The following USH2A variants were observed in gnomAD, a reference collection of about 807,000 sequenced individuals.
USH2A encodes the protein Usher syndrome 2A (autosomal recessive, mild).
In USH2A, 443 loss-of-function variants were observed where a neutral mutation model predicts 538.9. The observed-to-expected ratio is 0.82, with a 90% CI of 0.76 to 0.89. USH2A has a LOEUF of 0.89. USH2A is among the 40% of genes least tolerant of loss of function. The pLI is 0.00. For missense variants in USH2A, 6,633 were observed against 6,324.8 expected, an observed-to-expected ratio of 1.05 and a Z score of -1.65; for synonymous variants, 2,413 against 2,273.5, an observed-to-expected ratio of 1.06 and a Z score of -1.75.
chr1:216,324,319 G>A lies in USH2A; in HGVS notation c.1177C>T (p.Gln393Ter). The change falls in exon 7 of 72, where the codon CAA (glutamine) becomes TAA (stop). Residue 393 changes from glutamine to a stop codon, truncating the protein, a stop_gained. Coordinates refer to ENST00000307340, the MANE Select transcript of USH2A (RefSeq NM_206933.4). LOFTEE classifies it high-confidence loss of function. ...CTTTGAATCCTTATTTCCGTTGGTT[G>A]TGGACTAAAGAACTGAATGATAATA... ...FYIIIQFFSP[Q>*]PTEIRIQRKK... is the part of the protein sequence containing the mutation. 1 of 1,612,494 alleles carries A rather than the reference G, an allele frequency of 6.2e-7. No homozygotes were observed. Among genetic ancestry groups the A allele is most frequent in the South Asian group, 1.1e-5 (1 of 90,960 alleles).
intron 3 of USH2A, among the ~76,000 whole-genome samples, chr1:216,399,918 C>T (rs2039277925): frequency 7.0e-6 from 1 of 143,420 alleles, no homozygotes; most frequent in African/African-American, 2.5e-5. Context: ...CTGTGCACAC[C>T]TCAATGTAAG....
intron 9 of USH2A, among the ~76,000 whole-genome samples, chr1:216,312,087 A>G (rs1008625384): frequency 1.3e-5 from 2 of 152,130 alleles, no homozygotes; most frequent in East Asian, 3.9e-4. Flanking sequence ...TTGCAAGGCA[A>G]GAAAAGTCTA....
At chr1:216,034,801 G>C (rs556108563) in intron 32 of USH2A, among the ~76,000 whole-genome samples, 11 of 152,240 alleles carry the variant, frequency 7.2e-5, no homozygotes, top group Admixed American at 5.9e-4. Flanking sequence ...GAGACAATGG[G>C]CCTACTGATA....
At chr1:215,986,797 G>C (rs1014073346) in intron 35 of USH2A, among the ~76,000 whole-genome samples, 1 of 152,108 alleles carries the variant, frequency 6.6e-6, no homozygotes, top group Non-Finnish European at 1.5e-5. Context: ...TACAATTTTG[G>C]TATTGTCCCT....
intron 37 of USH2A, among the ~76,000 whole-genome samples, chr1:215,941,148 G>C (rs572227791): frequency 6.6e-6 from 1 of 151,788 alleles, no homozygotes; most frequent in Non-Finnish European, 1.5e-5. Flanking sequence ...AATGCATAAA[G>C]GATAGACAAA....
intron 21 of USH2A, among the ~76,000 whole-genome samples, chr1:216,154,878 G>A (rs140997807): frequency 3.3e-4 from 50 of 149,700 alleles, no homozygotes; most frequent in Admixed American, 1.2e-3. Flanking sequence ...GAATGTAGGC[G>A]CAATGCGTAT....
At chr1:215,955,440 T>C (rs1211062698) in intron 37 of USH2A, among the ~76,000 whole-genome samples, 1 of 152,198 alleles carries the variant, frequency 6.6e-6, no homozygotes, top group East Asian at 1.9e-4. Flanking sequence ...TATCATTTAG[T>C]TTCTGTCTTG....
intron 32 of USH2A, among the ~76,000 whole-genome samples, chr1:216,021,383 G>T (rs1195825830): frequency 6.6e-6 from 1 of 152,032 alleles, no homozygotes; most frequent in Admixed American, 6.6e-5. Flanking sequence ...TTCCCCTTTC[G>T]CTTGGTTCTC....
At chr1:216,418,090 A>G (rs1201652032) in intron 3 of USH2A, among the ~76,000 whole-genome samples, 1 of 152,164 alleles carries the variant, frequency 6.6e-6, no homozygotes, top group African/African-American at 2.4e-5. Flanking sequence ...TGCAACAGAC[A>G]AATTTTATTC....
intron 61 of USH2A, among the ~76,000 whole-genome samples, chr1:215,694,417 C>T (rs1308210180): frequency 6.6e-6 from 1 of 152,060 alleles, no homozygotes; most frequent in Non-Finnish European, 1.5e-5. Context: ...ACTAAAAATA[C>T]CAAAAATTAG....
chr1:216,019,992 C>A (rs752568807), intron 32 of USH2A, among the ~76,000 whole-genome samples: 4 of 152,092 alleles, frequency 2.6e-5, no homozygotes, highest in African/African-American at 9.7e-5. Context: ...TAGTATTTGG[C>A]CCATTATAAG....
rs1655960525 is a variant in USH2A at position 215,624,997 on chromosome 1, A to C, written c.*784T>G. 1 of 152,204 alleles carries C rather than the reference A, an allele frequency of 6.6e-6. No individual in the cohort carries two copies. Among genetic ancestry groups the C allele is most frequent in the Non-Finnish European group, 1.5e-5 (1 of 68,032 alleles). 9.4% of individuals were successfully genotyped at this position (152,204 alleles called of 1,614,324 possible). A position where few individuals can be genotyped will look rare whatever the true frequency, so the allele number is the denominator to read the frequency against. On this transcript the variant is annotated 3_prime_UTR_variant, in exon 72 of 72. Transcript: ENST00000307340. ...GAGAAACTAGTTTCAAAACTATAAA[A>C]TATATGAAATAAAAACATTGGTTCA...
chr1:215,934,710 C>A lies in USH2A; in HGVS notation c.7206G>T (p.Leu2402=). 2 of 1,612,782 alleles carry A rather than the reference C, an allele frequency of 1.2e-6. No homozygotes were observed. The highest frequency in any genetic ancestry group is 1.3e-5 in the African/African-American group (1 of 74,942). The change falls in exon 38 of 72, where the codon CTG becomes CTT. Residue 2402 remains leucine, a synonymous_variant. Transcript: ENST00000307340. ...ETNLWVLIDG[L]VPFTNYTVQV... is the part of the protein sequence containing the mutation. ...GTACAGTATAGTTGGTAAAAGGAAC[C>A]AGCCCATCGATGAGCACCCAAAGGT...
intron 9 of USH2A, among the ~76,000 whole-genome samples, chr1:216,315,829 T>G (rs767723095): frequency 2.0e-5 from 3 of 152,194 alleles, no homozygotes; most frequent in Non-Finnish European, 4.4e-5. Context: ...ACTTGTGAGA[T>G]ATATAATGAT....
At chr1:215,741,007 T>C (rs1262697227) in intron 60 of USH2A, among the ~76,000 whole-genome samples, 1 of 152,128 alleles carries the variant, frequency 6.6e-6, no homozygotes, top group African/African-American at 2.4e-5. Flanking sequence ...GCCCGGTTCC[T>C]AACAGGCCGC....
intron 21 of USH2A, among the ~76,000 whole-genome samples, chr1:216,121,269 AG>A (rs1178481858): frequency 2.6e-5 from 4 of 152,224 alleles, no homozygotes; most frequent in African/African-American, 9.6e-5. Context: ...TTAAACTAAA[AG>A]GTTGAATGAA....
intron 36 of USH2A, among the ~76,000 whole-genome samples, chr1:215,967,445 GTGTGAGC>G (rs1001226399): frequency 6.6e-6 from 1 of 152,140 alleles, no homozygotes; most frequent in Non-Finnish European, 1.5e-5. Context: ...GGGATTACAG[GTGTGAGC>G]CACCATGCCT....
At chr1:215,849,033 C>T (rs569258421) in intron 44 of USH2A, among the ~76,000 whole-genome samples, 2 of 152,268 alleles carry the variant, frequency 1.3e-5, no homozygotes, top group Non-Finnish European at 2.9e-5. Context: ...AACATGGAAA[C>T]AGCTGAATGA....
chr1:215,956,866 T>G (rs1284464318), intron 37 of USH2A, among the ~76,000 whole-genome samples: 1 of 152,180 alleles, frequency 6.6e-6, no homozygotes. Context: ...TAATTAAACA[T>G]TTCTATAGCT....
Sources: gnomAD v4.1 joint callset for allele counts (sites outside exome capture counted in the v4.1 genomes callset) on GRCh38, gnomAD v4.1.1 for gene constraint, MANE v1.5 for transcripts, NCBI Gene and HGNC (gene_info 2026-07-23, HGNC 2026-07-21) for gene names.